The following GLTP variants were observed in gnomAD, a reference collection of about 807,000 sequenced individuals.
GLTP encodes the protein glycolipid transfer protein.
A neutral mutation model predicts 24.0 loss-of-function variants in GLTP; 22 were observed. The observed-to-expected ratio is 0.92, with a 90% CI of 0.65 to 1.31. GLTP has a LOEUF of 1.31. Among genes scored for constraint, GLTP ranks in the 50% most tolerant of loss-of-function variants. The pLI, the probability that GLTP is intolerant of heterozygous loss-of-function variation, is 0.00. For synonymous variants in GLTP, 92 were observed against 115.9 expected, an observed-to-expected ratio of 0.79 and a Z score of 1.33; for missense variants, 224 against 276.6, an observed-to-expected ratio of 0.81 and a Z score of 1.35.
chr12:109,875,616 A>C (rs1868857591), intron 1 of GLTP, among the ~76,000 whole-genome samples: 1 of 152,228 alleles, frequency 6.6e-6, no homozygotes, highest in African/African-American at 2.4e-5. Flanking sequence ...CTGATCAGTC[A>C]GGAAAGATCT....
chr12:109,856,209 C>A (rs1892793533), intron 3 of GLTP, among the ~76,000 whole-genome samples: 1 of 152,200 alleles, frequency 6.6e-6, no homozygotes, highest in Admixed American at 6.5e-5. Context: ...GTGTACCAGG[C>A]TTCCCGCCTC....
chr12:109,873,548 C>T (rs1416856001), intron 1 of GLTP, among the ~76,000 whole-genome samples: 2 of 149,762 alleles, frequency 1.3e-5, no homozygotes, highest in Non-Finnish European at 1.5e-5. Flanking sequence ...CCAGGAGAAT[C>T]ACTTGAACCC....
Position 109,857,865 on chromosome 12 carries a change from C to T in GLTP, c.163-206G>A, listed in dbSNP as rs1156386099. The T allele has an allele frequency of 1.7e-6, 1 of 591,092 alleles. No individual in the cohort carries two copies. The highest frequency in any genetic ancestry group is 1.9e-5 in the African/African-American group (1 of 53,634). The allele number at this position is 591,092 out of a possible 1,614,324, so 36.6% of individuals were successfully genotyped here. ...CTTTACAGGCACTACCTTATATGAT[C>T]CTGGTGGCAAACCTGATGTTGCTGT... On this transcript the variant is annotated intron_variant, in intron 2 of 4. Coordinates refer to ENST00000318348, the MANE Select transcript of GLTP (RefSeq NM_016433.4). The surrounding 1 kb of genome is among the most constrained non-coding windows in gnomAD (Gnocchi z 4.3).
chr12:109,859,107 C>T (rs1344400812), intron 1 of GLTP, among the ~76,000 whole-genome samples: 1 of 152,186 alleles, frequency 6.6e-6, no homozygotes, highest in Non-Finnish European at 1.5e-5. Context: ...CAGGCTGGAG[C>T]ACAGTGGTGT....
chr12:109,872,458 T>C (rs1868755642), intron 1 of GLTP, among the ~76,000 whole-genome samples: 1 of 152,138 alleles, frequency 6.6e-6, no homozygotes, highest in African/African-American at 2.4e-5. Context: ...AGGAAGAGAA[T>C]CAGACTCAAA....
At chr12:109,852,759 G>C in intron 4 of GLTP, 22 bp from the exon 5 acceptor site, 1 of 1,573,664 alleles carries the variant, frequency 6.4e-7, no homozygotes, top group Non-Finnish European at 8.7e-7. Context: ...CAAGAAGGGA[G>C]GTAGGCACAG....
chr12:109,854,907 G>A (rs1279263634), intron 4 of GLTP, among the ~76,000 whole-genome samples: 1 of 152,248 alleles, frequency 6.6e-6, no homozygotes, highest in Admixed American at 6.5e-5. Flanking sequence ...ACACTGTACA[G>A]GGCCCGTCAG....
intron 3 of GLTP, among the ~76,000 whole-genome samples, chr12:109,856,214 C>T (rs1892793596): frequency 6.6e-6 from 1 of 152,158 alleles, no homozygotes; most frequent in South Asian, 2.1e-4. Flanking sequence ...CCAGGCTTCC[C>T]GCCTCCACTC....
rs1892791056 is a variant in GLTP at position 109,855,991 on chromosome 12, G to A, written c.297-222C>T. ...CCTTCTCTCCTCCAGGCCTGGTGCT[G>A]GCCCATGACAAGTCACACTGGCTGT... On this transcript the variant is annotated intron_variant, in intron 3 of 4. Coordinates refer to ENST00000318348, the MANE Select transcript of GLTP (RefSeq NM_016433.4). This position sits in a 1 kb window ranked among gnomAD's most constrained non-coding sequence, Gnocchi z 4.1. 6.6e-6 allele frequency among the ~76,000 whole-genome samples: 1 copy of A among 152,050 alleles called. No homozygotes were observed. Among genetic ancestry groups the A allele is most frequent in the African/African-American group, 2.4e-5 (1 of 41,412 alleles).
At chr12:109,858,525 T>C (rs183695402) in intron 2 of GLTP, among the ~76,000 whole-genome samples, 158 bp downstream of exon 2, 128 of 152,326 alleles carry the variant, frequency 8.4e-4, no homozygotes, top group Admixed American at 2.2e-3. Context: ...GCAGAGAACA[T>C]TGAGCCCTGA....
rs1475904437 is a variant in GLTP, at chr12:109,852,202, G to A, written c.*353C>T. ...GATGACACCATTCCCCCAGAGCTGT[G>A]TTCCTCGTTGGCAACAAAACAAAAC... is the stretch of plus-strand genomic sequence containing the variant. On this transcript the variant is annotated 3_prime_UTR_variant, in exon 5 of 5. Coordinates refer to ENST00000318348, the MANE Select transcript of GLTP (RefSeq NM_016433.4). 5.9e-6 allele frequency: 1 copy of A among 170,690 alleles called. No individual in the cohort carries two copies. The highest frequency in any genetic ancestry group is 1.2e-5 in the Non-Finnish European group (1 of 80,130). 10.6% of individuals were successfully genotyped at this position (170,690 alleles called of 1,614,324 possible). A position where few individuals can be genotyped will look rare whatever the true frequency, so the allele number is the denominator to read the frequency against.
chr12:109,854,188 G>A (rs980232261), intron 4 of GLTP, among the ~76,000 whole-genome samples: 4 of 151,490 alleles, frequency 2.6e-5, no homozygotes, highest in Admixed American at 6.6e-5. Flanking sequence ...GTGAAATCTC[G>A]TCTCTACAAA....
At chr12:109,852,928 G>A (rs1479661753) in intron 4 of GLTP, among the ~76,000 whole-genome samples, 191 bp from the exon 5 acceptor site, 5 of 150,586 alleles carry the variant, frequency 3.3e-5, no homozygotes, top group Non-Finnish European at 5.9e-5. Flanking sequence ...ATCAGCTTTC[G>A]GGACAGACAA....
chr12:109,853,105 C>T (rs1006036011), intron 4 of GLTP, among the ~76,000 whole-genome samples: 3 of 152,166 alleles, frequency 2.0e-5, no homozygotes, highest in Non-Finnish European at 4.4e-5. Context: ...GTGCTCAGCA[C>T]AGCACCAGGC....
rs1289069095 is a variant in GLTP, at chr12:109,851,272, A to G, written c.*1283T>C. 1 of 151,926 alleles carries G rather than the reference A, an allele frequency of 6.6e-6. No individual in the cohort carries two copies. The highest frequency in any genetic ancestry group is 2.4e-5 in the African/African-American group (1 of 41,316). 9.4% of individuals were successfully genotyped at this position (151,926 alleles called of 1,614,324 possible). A position where few individuals can be genotyped will look rare whatever the true frequency, so the allele number is the denominator to read the frequency against. On this transcript the variant is annotated 3_prime_UTR_variant, in exon 5 of 5. Transcript: ENST00000318348. ...CAGAAGAATGCAAACGGAGTCATCTATGGTCAATTGTTTGTGCCCTATAGC... is the reference window on the plus strand; with the variant it reads ...CAGAAGAATGCAAACGGAGTCATCTGTGGTCAATTGTTTGTGCCCTATAGC...
At position 109,857,854 on chromosome 12, in the gene GLTP, C is replaced by A. The variant is rs1892819517; in HGVS notation, c.163-195G>T. ...TTTGCAAAATGCTTTACAGGCACTA[C>A]CTTATATGATCCTGGTGGCAAACCT... On this transcript the variant is annotated intron_variant, in intron 2 of 4. Coordinates refer to ENST00000318348, the MANE Select transcript of GLTP (RefSeq NM_016433.4). This position sits in a 1 kb window ranked among gnomAD's most constrained non-coding sequence, Gnocchi z 4.3. 3 of 608,438 alleles carry A rather than the reference C, an allele frequency of 4.9e-6. No individual in the cohort carries two copies. The Admixed American group carries it at 8.5e-5, about 17-fold the overall frequency. The allele number at this position is 608,438 out of a possible 1,614,324, so 37.7% of individuals were successfully genotyped here.
intron 4 of GLTP, 125 bp from the exon 5 acceptor site, chr12:109,852,862 AGGTGTT>A (rs1177910315): frequency 1.6e-6 from 1 of 625,586 alleles, no homozygotes; most frequent in Admixed American, 2.6e-5. Flanking sequence ...GTGCTATTTG[AGGTGTT>A]GGAAGGGAAA....
chr12:109,875,712 C>G (rs1868860358), intron 1 of GLTP, among the ~76,000 whole-genome samples: 1 of 152,150 alleles, frequency 6.6e-6, no homozygotes, highest in African/African-American at 2.4e-5. Flanking sequence ...CTGGGAGATT[C>G]CAATTGGAGA....
chr12:109,854,942 G>C (rs1400075796), intron 4 of GLTP, among the ~76,000 whole-genome samples: 2 of 152,256 alleles, frequency 1.3e-5, no homozygotes, highest in Non-Finnish European at 2.9e-5. Context: ...GGCCGCCAGG[G>C]TGGGCAGGCA....
Sources: gnomAD v4.1 joint callset for allele counts (sites outside exome capture counted in the v4.1 genomes callset) on GRCh38, gnomAD v4.1.1 for gene constraint, Gnocchi (gnomAD v3.1) non-coding constraint, MANE v1.5 for transcripts, NCBI Gene and HGNC (gene_info 2026-07-23, HGNC 2026-07-21) for gene names.